Variants in ZNF618 observed in about 807,000 individuals in gnomAD.
ZNF618 encodes the protein zinc finger protein 618, also known as neural precursor cell expressed, developmentally down-regulated 10.
A neutral mutation model predicts 103.0 loss-of-function variants in ZNF618; 34 were observed. That is an observed-to-expected ratio of 0.33 (90% CI 0.25 to 0.44). ZNF618 has a LOEUF of 0.44. Ranked by LOEUF, ZNF618 falls within the 20% of genes least tolerant of loss-of-function variation. The pLI is 1.00. For synonymous variants in ZNF618, 551 were observed against 542.2 expected (o/e 1.02, Z -0.23); for missense variants, 1,059 against 1,295.4 (o/e 0.82, Z 2.80).
intron 1 of ZNF618, among the ~76,000 whole-genome samples, chr9:113,921,539 A>T (rs1420480981): frequency 6.6e-6 from 1 of 152,242 alleles, no homozygotes; most frequent in Admixed American, 6.5e-5. Context: ...GAGTCTCGAA[A>T]CACCCACATC....
At chr9:113,969,925 C>T (rs925603339) in intron 2 of ZNF618, among the ~76,000 whole-genome samples, 5 of 152,036 alleles carry the variant, frequency 3.3e-5, no homozygotes, top group Non-Finnish European at 7.4e-5. Context: ...AATCTAGAAT[C>T]GATCCTAGGG....
At chr9:113,876,608 G>A (rs1827960093) in intron 1 of ZNF618, among the ~76,000 whole-genome samples, 195 bp downstream of exon 1, 2 of 151,808 alleles carry the variant, frequency 1.3e-5, no homozygotes, top group Non-Finnish European at 2.9e-5. Context: ...CGAGGAGGGT[G>A]GGGGTGACGA....
chr9:114,027,199 G>A (rs1354761901), intron 10 of ZNF618, among the ~76,000 whole-genome samples: 6 of 152,240 alleles, frequency 3.9e-5, no homozygotes, highest in Non-Finnish European at 7.3e-5. Context: ...GAGACAGAGA[G>A]CAGGAGAGTA....
chr9:113,990,910 G>C (rs1362875789), intron 3 of ZNF618, among the ~76,000 whole-genome samples: 1 of 152,198 alleles, frequency 6.6e-6, no homozygotes, highest in East Asian at 1.9e-4. Flanking sequence ...CCTGAGGCCA[G>C]GGACTGTGTT....
chr9:113,942,486 T>C (rs1372277289), intron 1 of ZNF618, among the ~76,000 whole-genome samples: 2 of 152,174 alleles, frequency 1.3e-5, no homozygotes, highest in African/African-American at 4.8e-5. Context: ...AAAAGGTAGA[T>C]GTCTTTGAGC....
intron 1 of ZNF618, among the ~76,000 whole-genome samples, chr9:113,907,067 C>T (rs921534032): frequency 6.6e-6 from 1 of 152,314 alleles, no homozygotes; most frequent in African/African-American, 2.4e-5. Flanking sequence ...AGGGCTTTAA[C>T]GGAAGTCCCA....
chr9:114,043,986 C>T (rs1207805586), intron 13 of ZNF618, among the ~76,000 whole-genome samples: 1 of 152,174 alleles, frequency 6.6e-6, no homozygotes, highest in Non-Finnish European at 1.5e-5. Context: ...AAGATTTTAT[C>T]CCACTCTATG....
intron 1 of ZNF618, among the ~76,000 whole-genome samples, chr9:113,966,657 G>A (rs923703284): frequency 1.3e-5 from 2 of 152,156 alleles, no homozygotes; most frequent in African/African-American, 2.4e-5. Context: ...AGGCCCACAC[G>A]CTGTGATTGC....
intron 1 of ZNF618, among the ~76,000 whole-genome samples, chr9:113,935,838 C>G (rs1833982205): frequency 6.6e-6 from 1 of 152,192 alleles, no homozygotes. Context: ...TTACTTGCTC[C>G]TAAGGCGGAT....
chr9:113,876,319 C>G lies in ZNF618; in HGVS notation c.-62C>G, dbSNP rs1827917350. The stretch of plus-strand genomic sequence containing the variant: ...GGCGGCGGCGGCGGCATTGTGCGCG[C>G]ACCAGCAGCCCGGCCCGGGAGGAGC... On this transcript the variant is annotated 5_prime_UTR_variant, in exon 1 of 15. Transcript: ENST00000374126. 4 of 1,103,796 alleles carry G rather than the reference C, an allele frequency of 3.6e-6. No individual in the cohort carries two copies. The highest frequency in any genetic ancestry group is 3.3e-6 in the Non-Finnish European group (3 of 908,064). 68.4% of individuals were successfully genotyped at this position (1,103,796 alleles called of 1,614,324 possible).
intron 1 of ZNF618, among the ~76,000 whole-genome samples, chr9:113,947,142 T>G (rs2132188887): frequency 6.6e-6 from 1 of 152,288 alleles, no homozygotes; most frequent in South Asian, 2.1e-4. Context: ...GTTTGCAGAA[T>G]GAAGCAATTT....
chr9:113,998,546 A>G (rs917283809), intron 4 of ZNF618, among the ~76,000 whole-genome samples, 192 bp downstream of exon 4: 2 of 152,172 alleles, frequency 1.3e-5, no homozygotes, highest in Non-Finnish European at 2.9e-5. Flanking sequence ...GAAGTACTGG[A>G]CTACTGGAGG....
intron 13 of ZNF618, among the ~76,000 whole-genome samples, chr9:114,036,853 G>A (rs1450736988): frequency 6.6e-6 from 1 of 152,204 alleles, no homozygotes; most frequent in South Asian, 2.1e-4. Flanking sequence ...ATGCAGTTGC[G>A]CCCAAACCTG....
At chr9:113,966,707 C>T (rs551134399) in intron 1 of ZNF618, among the ~76,000 whole-genome samples, 1 of 152,278 alleles carries the variant, frequency 6.6e-6, no homozygotes, top group Admixed American at 6.5e-5. Context: ...TGGACATCTC[C>T]CACTGAATCC....
chr9:113,982,707 A>G (rs371549122), intron 2 of ZNF618, among the ~76,000 whole-genome samples: 6 of 152,296 alleles, frequency 3.9e-5, no homozygotes, highest in East Asian at 3.9e-4. Flanking sequence ...TGTATTGAAG[A>G]TGGGGAGTCT....
In ZNF618 at chr9:114,049,193, A is replaced by G; in HGVS notation, c.1891A>G (p.Met631Val). The G allele has an allele frequency of 6.2e-7, 1 of 1,613,708 alleles. No individual in the cohort carries two copies. The highest frequency in any genetic ancestry group is 1.1e-5 in the South Asian group (1 of 91,086). ...VSTSAFSKAGMCLRCSACALN... is the reference protein window; with the variant it reads ...VSTSAFSKAGVCLRCSACALN... ...CACGTCCGCCTTCTCCAAGGCCGGCATGTGCCTTCGCTGCTCAGCCTGTGC... is the reference window on the plus strand; with the variant it reads ...CACGTCCGCCTTCTCCAAGGCCGGCGTGTGCCTTCGCTGCTCAGCCTGTGC... The change falls in exon 15 of 15, where the codon ATG (methionine) becomes GTG (valine). Residue 631 changes from methionine (M) to valine (V), a missense_variant. Met to Val is a conservative substitution (Grantham distance 21). This residue lies in a region of ZNF618 where 272 missense variants were observed against 380.1 expected (regional missense o/e 0.72). Transcript: ENST00000374126.
chr9:113,944,354 T>C (rs1182901380), intron 1 of ZNF618, among the ~76,000 whole-genome samples: 3 of 152,230 alleles, frequency 2.0e-5, no homozygotes, highest in Non-Finnish European at 4.4e-5. Flanking sequence ...CTTGGCTCAC[T>C]GCAAACTCCG....
intron 1 of ZNF618, among the ~76,000 whole-genome samples, chr9:113,913,093 G>A (rs566467895): frequency 1.3e-5 from 2 of 152,186 alleles, no homozygotes; most frequent in South Asian, 4.1e-4. Context: ...ACGGGAGAGT[G>A]AGCAGAGTGG....
In ZNF618 at chr9:114,008,373, C is replaced by G. The variant is rs755481458; in HGVS notation, c.670C>G (p.Arg224Gly). Reference protein sequence around the residue: ...VFSVEGAPENRADPFDQGVVA... With the variant: ...VFSVEGAPENGADPFDQGVVA... ...TAGTGTGGAAGGGGCCCCTGAGAAC[C>G]GGGCAGGTAAGTCCTTGGTGTCTGC... The change falls in exon 8 of 15, where the codon CGG becomes GGG. Residue 224 changes from arginine to glycine, a missense_variant. Physicochemically the swap from Arg to Gly is moderately radical, Grantham distance 125. Around this residue, in one of 6 missense-constraint regions of ZNF618, gnomAD observed 434 missense variants for 476.0 expected, o/e 0.91. Coordinates refer to ENST00000374126, the MANE Select transcript of ZNF618 (RefSeq NM_001318042.2). The G allele has an allele frequency of 3.7e-6, 6 of 1,613,834 alleles. No homozygotes were observed. Among genetic ancestry groups the G allele is most frequent in the Non-Finnish European group, 5.1e-6 (6 of 1,179,882 alleles).
Sources: allele counts gnomAD v4.1 joint callset (sites outside exome capture counted in the v4.1 genomes callset), GRCh38; gene constraint gnomAD v4.1.1; regional missense constraint gnomAD v4.1.1; transcripts MANE v1.5; gene names NCBI Gene and HGNC (gene_info 2026-07-23, HGNC 2026-07-21).